CAMK1D: variants seen among roughly 807,000 people sequenced by gnomAD.
CAMK1D encodes calcium/calmodulin dependent protein kinase ID.
CAMK1D carries 9 observed loss-of-function variants against 47.7 expected under a neutral mutation model. The ratio of observed to expected loss-of-function variants is 0.19; its 90% CI spans 0.11 to 0.33. The LOEUF (loss-of-function observed/expected upper bound fraction) is 0.33. Ranked by LOEUF, CAMK1D falls within the 10% of genes least tolerant of loss-of-function variation. The pLI is 1.00. For synonymous variants in CAMK1D, 184 were observed against 184.9 expected, an observed-to-expected ratio of 0.99 and a Z score of 0.04; for missense variants, 291 against 488.7, an observed-to-expected ratio of 0.60 and a Z score of 3.81.
chr10:12,583,960 G>A lies in CAMK1D; in HGVS notation c.224+30604G>A, dbSNP rs193103208. Among the ~76,000 whole-genome samples the A allele has an allele frequency of 1.7e-3, 254 of 152,296 alleles. 4 individuals carry two copies. The highest frequency in any genetic ancestry group is 0.012 in the Admixed American group (182 of 15,284). ...GTACTAGCCAGATTTAGGATAATCA[G>A]GACATGACAATAGCCAAGTTGCCTG... is the stretch of plus-strand genomic sequence containing the variant. On this transcript the variant is annotated intron_variant, in intron 2 of 10. Coordinates refer to ENST00000619168, the MANE Select transcript of CAMK1D (RefSeq NM_153498.4).
intron 1 of CAMK1D, among the ~76,000 whole-genome samples, chr10:12,370,014 T>G (rs1482881257): frequency 1.3e-5 from 2 of 151,038 alleles, no homozygotes; most frequent in African/African-American, 4.8e-5. Context: ...TTATTATTTA[T>G]TATTTAATAA....
intron 3 of CAMK1D, among the ~76,000 whole-genome samples, chr10:12,679,394 G>A (rs1257800767): frequency 6.6e-6 from 1 of 152,144 alleles, no homozygotes; most frequent in Non-Finnish European, 1.5e-5. Context: ...AAGTCAGTAA[G>A]ATGGGGCTAG....
chr10:12,825,672 T>C lies in CAMK1D; in HGVS notation c.1021T>C (p.Leu341=), dbSNP rs752140899. 1.9e-6 allele frequency: 3 copies of C among 1,614,136 alleles called. No homozygotes were observed. Among genetic ancestry groups the C allele is most frequent in the African/African-American group, 2.7e-5 (2 of 74,948 alleles). ...TGCAAGTGTTTCGAGCAGCCTCAGT[T>C]TGGCCAGCCAAAAAGACTGTGCGTA... is the stretch of plus-strand genomic sequence containing the variant. ...SNASVSSSLS[L]ASQKDCLAPS... is the part of the protein sequence containing the mutation. The change falls in exon 10 of 11, where the codon TTG becomes CTG. Residue 341 remains leucine, a synonymous_variant. Transcript: ENST00000619168.
intron 3 of CAMK1D, among the ~76,000 whole-genome samples, chr10:12,708,818 T>C (rs2130745276): frequency 6.6e-6 from 1 of 152,360 alleles, no homozygotes; most frequent in African/African-American, 2.4e-5. Flanking sequence ...TTGTTTGATG[T>C]AGTGGGGCTT....
chr10:12,823,309 A>G (rs983354341), intron 8 of CAMK1D, among the ~76,000 whole-genome samples: 1 of 152,152 alleles, frequency 6.6e-6, no homozygotes. Flanking sequence ...CTTCTGCAAG[A>G]TTCATGAAAC....
intron 3 of CAMK1D, among the ~76,000 whole-genome samples, chr10:12,753,382 A>G (rs1162883291): frequency 6.6e-6 from 1 of 152,248 alleles, no homozygotes; most frequent in Non-Finnish European, 1.5e-5. Context: ...AGCTGGGGCT[A>G]TGCCATGTCA....
At chr10:12,496,909 G>C (rs533838173) in intron 1 of CAMK1D, among the ~76,000 whole-genome samples, 24 of 152,144 alleles carry the variant, frequency 1.6e-4, no homozygotes, top group African/African-American at 5.5e-4. Context: ...CTCCCAACAG[G>C]CACCAGTGTG....
chr10:12,744,338 C>T (rs1038588521), intron 3 of CAMK1D, among the ~76,000 whole-genome samples: 5 of 149,398 alleles, frequency 3.3e-5, no homozygotes, highest in African/African-American at 1.3e-4. Flanking sequence ...CAGGTATATA[C>T]CTAAGGAATG....
At chr10:12,525,329 C>G (rs1453612284) in intron 1 of CAMK1D, among the ~76,000 whole-genome samples, 5 of 152,046 alleles carry the variant, frequency 3.3e-5, no homozygotes, top group African/African-American at 1.2e-4. Flanking sequence ...CTGTACCAAT[C>G]TCTTTCTCTT....
At chr10:12,538,591 G>T (rs557792920) in intron 1 of CAMK1D, among the ~76,000 whole-genome samples, 47 of 152,250 alleles carry the variant, frequency 3.1e-4, no homozygotes, top group African/African-American at 1.1e-3. Context: ...GCTGACATAC[G>T]CATTGTCTTG....
chr10:12,676,894 A>T (rs1459404395), intron 3 of CAMK1D, among the ~76,000 whole-genome samples: 1 of 152,188 alleles, frequency 6.6e-6, no homozygotes, highest in Admixed American at 6.5e-5. Flanking sequence ...TATCACAGGA[A>T]TTCACTAGAA....
chr10:12,693,533 T>C (rs1327725602), intron 3 of CAMK1D, among the ~76,000 whole-genome samples: 6 of 151,768 alleles, frequency 4.0e-5, no homozygotes, highest in Non-Finnish European at 7.4e-5. Flanking sequence ...CTCAGGAGGC[T>C]GAGGTGGGAG....
intron 1 of CAMK1D, among the ~76,000 whole-genome samples, chr10:12,443,204 A>G (rs966802200): frequency 2.6e-5 from 4 of 152,134 alleles, no homozygotes; most frequent in Non-Finnish European, 5.9e-5. Flanking sequence ...TATGTGCGGC[A>G]GATCTTCTCG....
At chr10:12,422,712 G>A (rs113903095) in intron 1 of CAMK1D, among the ~76,000 whole-genome samples, 27,028 of 151,060 alleles carry the variant, frequency 0.18, 2,690 homozygotes, top group Non-Finnish European at 0.22. Flanking sequence ...TCAGTCTGTC[G>A]CCCAGGCTGG....
chr10:12,551,311 A>G (rs190458216), intron 1 of CAMK1D, among the ~76,000 whole-genome samples: 1 of 152,304 alleles, frequency 6.6e-6, no homozygotes, highest in African/African-American at 2.4e-5. Flanking sequence ...ACTCTTTATG[A>G]GAATCTAATG....
At chr10:12,353,735 A>G (rs45449897) in intron 1 of CAMK1D, among the ~76,000 whole-genome samples, 3,028 of 152,264 alleles carry the variant, frequency 0.02, 40 homozygotes, top group South Asian at 0.037. Context: ...GAACATAACC[A>G]TATCTCTGAA....
intron 3 of CAMK1D, among the ~76,000 whole-genome samples, chr10:12,742,379 C>T (rs1309215194): frequency 6.6e-6 from 1 of 152,154 alleles, no homozygotes; most frequent in East Asian, 1.9e-4. Flanking sequence ...AGGCAATCCG[C>T]CTGCCTTGGC....
intron 1 of CAMK1D, among the ~76,000 whole-genome samples, chr10:12,463,930 T>C (rs1833514119): frequency 6.6e-6 from 1 of 152,172 alleles, no homozygotes; most frequent in South Asian, 2.1e-4. Context: ...TCCTGCCGCC[T>C]TGTGAAGAAG....
At chr10:12,616,217 G>GTAAGGAAA (rs1838810776) in intron 2 of CAMK1D, among the ~76,000 whole-genome samples, 1 of 152,154 alleles carries the variant, frequency 6.6e-6, no homozygotes, top group Middle Eastern at 3.2e-3. Flanking sequence ...ATGGCTAACG[G>GTAAGGAAA]TAAGGAAATA....
Sources: gnomAD v4.1 joint callset for allele counts (sites outside exome capture counted in the v4.1 genomes callset) on GRCh38, gnomAD v4.1.1 for gene constraint, MANE v1.5 for transcripts, NCBI Gene and HGNC (gene_info 2026-07-23, HGNC 2026-07-21) for gene names.